The following CCDC149 variants were observed in gnomAD, a reference collection of about 807,000 sequenced individuals.
The protein encoded by CCDC149 is coiled-coil domain-containing protein 149.
CCDC149 carries 45 observed loss-of-function variants against 59.9 expected under a neutral mutation model. The observed-to-expected ratio is 0.75, with a 90% CI of 0.59 to 0.96. The LOEUF (loss-of-function observed/expected upper bound fraction) is 0.96. Among genes scored for constraint, CCDC149 ranks in the 40% least tolerant of loss-of-function variants. CCDC149 has a pLI of 0.00. For synonymous variants in CCDC149, 245 were observed against 260.6 expected (o/e 0.94, Z 0.58); for missense variants, 584 against 664.7 (o/e 0.88, Z 1.33).
intron 3 of CCDC149, among the ~76,000 whole-genome samples, chr4:24,857,797 C>T (rs1398668453): frequency 6.6e-6 from 1 of 152,154 alleles, no homozygotes; most frequent in Non-Finnish European, 1.5e-5. Flanking sequence ...TAAATCTACC[C>T]CAGCTTTAAA....
chr4:24,835,681 G>T (rs1414289594), intron 7 of CCDC149, among the ~76,000 whole-genome samples: 1 of 152,166 alleles, frequency 6.6e-6, no homozygotes, highest in Non-Finnish European at 1.5e-5. Context: ...AGATAGACTG[G>T]TATAATGTGT....
chr4:24,809,464 A>G (rs955320045), intron 12 of CCDC149, among the ~76,000 whole-genome samples: 1 of 152,210 alleles, frequency 6.6e-6, no homozygotes, highest in Non-Finnish European at 1.5e-5. Flanking sequence ...GGGAGCCCTT[A>G]AAGTGCTGAC....
rs777189934 is a variant in CCDC149, at chr4:24,808,243, C to G, written c.*146G>C. On this transcript the variant is annotated 3_prime_UTR_variant, in exon 13 of 13. Transcript: ENST00000635206. ...TGTACTGGCATCATCAGAATATTCA[C>G]AGTTTGCAACAGGATCAGTGCGTTT... 8 of 617,378 alleles carry G rather than the reference C, an allele frequency of 1.3e-5. No homozygotes were observed. Among genetic ancestry groups the G allele is most frequent in the Non-Finnish European group, 2.1e-5 (8 of 385,730 alleles). The allele number at this position is 617,378 out of a possible 1,614,324, so 38.2% of individuals were successfully genotyped here.
At chr4:24,836,282 T>C (rs568803668) in intron 7 of CCDC149, among the ~76,000 whole-genome samples, 154 bp downstream of exon 7, 1 of 152,336 alleles carries the variant, frequency 6.6e-6, no homozygotes, top group African/African-American at 2.4e-5. Flanking sequence ...GATTTTAATT[T>C]GTACTGGTTA....
chr4:24,819,422 G>A (rs1577379420), intron 12 of CCDC149, among the ~76,000 whole-genome samples: 1 of 152,322 alleles, frequency 6.6e-6, no homozygotes, highest in Non-Finnish European at 1.5e-5. Context: ...CCCAGTTCAA[G>A]TGATTCTCCT....
At chr4:24,886,572 C>G (rs1352257769) in intron 1 of CCDC149, among the ~76,000 whole-genome samples, 1 of 152,214 alleles carries the variant, frequency 6.6e-6, no homozygotes, top group Non-Finnish European at 1.5e-5. Context: ...GAGAAAACAA[C>G]AAATGTGCAT....
chr4:24,936,575 T>C (rs1722783857), intron 1 of CCDC149, among the ~76,000 whole-genome samples: 1 of 152,242 alleles, frequency 6.6e-6, no homozygotes. Flanking sequence ...ATTCAAAATC[T>C]CCTCTTTCCG....
At chr4:24,937,976 G>A (rs1722831341) in intron 1 of CCDC149, among the ~76,000 whole-genome samples, 1 of 151,696 alleles carries the variant, frequency 6.6e-6, no homozygotes, top group South Asian at 2.1e-4. Context: ...TTGTGTAGGG[G>A]GCTATTTGAT....
chr4:24,816,094 AT>A (rs886164509), intron 12 of CCDC149, among the ~76,000 whole-genome samples: 7 of 151,362 alleles, frequency 4.6e-5, no homozygotes, highest in Non-Finnish European at 7.4e-5. Context: ...TTTTAATTTA[AT>A]TTTTTTTTCT....
intron 1 of CCDC149, among the ~76,000 whole-genome samples, chr4:24,905,452 T>A (rs1391468797): frequency 6.6e-6 from 1 of 150,814 alleles, no homozygotes; most frequent in Non-Finnish European, 1.5e-5. Context: ...TGTGTGTGTG[T>A]GTGATGGAGT....
chr4:24,907,953 C>T (rs1485772132), intron 1 of CCDC149, among the ~76,000 whole-genome samples: 1 of 152,148 alleles, frequency 6.6e-6, no homozygotes, highest in Non-Finnish European at 1.5e-5. Flanking sequence ...TTGTCACATG[C>T]CTTCTTCCGT....
intron 1 of CCDC149, among the ~76,000 whole-genome samples, chr4:24,942,560 G>A (rs1166633991): frequency 6.6e-6 from 1 of 152,196 alleles, no homozygotes; most frequent in Non-Finnish European, 1.5e-5. Flanking sequence ...AATCAGGCAG[G>A]AAAAGGAAAT....
chr4:24,971,283 T>C (rs1484691615), intron 1 of CCDC149, among the ~76,000 whole-genome samples: 2 of 152,176 alleles, frequency 1.3e-5, no homozygotes, highest in Admixed American at 1.3e-4. Flanking sequence ...GTTGTTGTTG[T>C]GGGTTATGAA....
rs1425966910 is a variant in CCDC149 at position 24,806,608 on chromosome 4, G to A, written c.*1781C>T. The A allele has an allele frequency of 6.6e-6, 1 of 152,342 alleles. No homozygotes were observed. Among genetic ancestry groups the A allele is most frequent in the African/African-American group, 2.4e-5 (1 of 41,458 alleles). The allele number at this position is 152,342 out of a possible 1,614,324, so 9.4% of individuals were successfully genotyped here. ...AGGCAGTTAAGGCCCAGTACAGCAG[G>A]AAGAATGATTTCTGTGACTGCTGGT... is the stretch of plus-strand genomic sequence containing the variant. On this transcript the variant is annotated 3_prime_UTR_variant, in exon 13 of 13. Transcript: ENST00000635206.
intron 3 of CCDC149, 88 bp from the exon 4 acceptor site, chr4:24,853,267 C>G (rs557297339): frequency 1.0e-6 from 1 of 969,578 alleles, no homozygotes; most frequent in East Asian, 2.4e-5. Context: ...ATGCTGGTGT[C>G]TAACCCCAGT....
At chr4:24,945,376 A>G (rs1390911986) in intron 1 of CCDC149, among the ~76,000 whole-genome samples, 1 of 152,190 alleles carries the variant, frequency 6.6e-6, no homozygotes, top group Non-Finnish European at 1.5e-5. Flanking sequence ...ACACATAAGG[A>G]GGTGCCATGT....
At chr4:24,927,574 T>G (rs1189044737) in intron 1 of CCDC149, among the ~76,000 whole-genome samples, 3 of 152,256 alleles carry the variant, frequency 2.0e-5, no homozygotes, top group South Asian at 4.1e-4. Flanking sequence ...TTAAAGCAGG[T>G]GCTGAAACCT....
intron 1 of CCDC149, among the ~76,000 whole-genome samples, chr4:24,941,843 C>G (rs1457765072): frequency 6.6e-6 from 1 of 152,048 alleles, no homozygotes; most frequent in Non-Finnish European, 1.5e-5. Flanking sequence ...AAGACTAAAC[C>G]AGGAAGAAGT....
chr4:24,909,973 G>A (rs572851517), intron 1 of CCDC149, among the ~76,000 whole-genome samples: 1 of 152,326 alleles, frequency 6.6e-6, no homozygotes, highest in South Asian at 2.1e-4. Flanking sequence ...TAAGCAGCAT[G>A]AAAACGGACT....
Sources: gnomAD v4.1 joint callset for allele counts (sites outside exome capture counted in the v4.1 genomes callset) on GRCh38, gnomAD v4.1.1 for gene constraint, MANE v1.5 for transcripts, NCBI Gene and HGNC (gene_info 2026-07-23, HGNC 2026-07-21) for gene names.